DDX10: variants seen among roughly 807,000 people sequenced by gnomAD.
DDX10 encodes probable ATP-dependent RNA helicase DDX10.
A neutral mutation model predicts 104.3 loss-of-function variants in DDX10; 74 were observed. The observed-to-expected ratio is 0.71, with a 90% CI of 0.59 to 0.86. The LOEUF (loss-of-function observed/expected upper bound fraction) is 0.86. DDX10 is among the 40% of genes least tolerant of loss of function. The pLI is 0.00. For missense variants in DDX10, 952 were observed against 1,040.0 expected (o/e 0.92, Z 1.16); for synonymous variants, 351 against 353.4 (o/e 0.99, Z 0.08).
intron 13 of DDX10, among the ~76,000 whole-genome samples, chr11:108,829,570 G>A (rs563959900): frequency 8.1e-4 from 124 of 152,292 alleles, no homozygotes; most frequent in African/African-American, 2.9e-3. Context: ...TTCTTTTGCT[G>A]TGCAGAAGCT....
At chr11:108,938,338 C>G (rs181524024) in intron 17 of DDX10, among the ~76,000 whole-genome samples, 97 of 152,232 alleles carry the variant, frequency 6.4e-4, no homozygotes, top group African/African-American at 2.3e-3. Context: ...AATTTTCTAC[C>G]TTTTATTATC....
intron 6 of DDX10, among the ~76,000 whole-genome samples, chr11:108,681,733 T>C (rs2094235551): frequency 6.6e-6 from 1 of 152,236 alleles, no homozygotes; most frequent in South Asian, 2.1e-4. Flanking sequence ...TTTGAGAGAA[T>C]ATGCCTTTGG....
chr11:108,709,761 C>G (rs1232789568), intron 10 of DDX10, among the ~76,000 whole-genome samples: 2 of 151,652 alleles, frequency 1.3e-5, no homozygotes, highest in Non-Finnish European at 2.9e-5. Context: ...TATTGATTTC[C>G]TGTTTTCAAT....
In DDX10 at chr11:108,918,034, G is replaced by GTAATACATA; in HGVS notation, c.2450+16_2450+17insTAATACATA. On this transcript the variant is annotated intron_variant, in intron 17 of 17. Transcript: ENST00000322536. ...ATAAAATAAGGTATGTTTTTACTAT[G>GTAATACATA]GGTATGAAATACATACTTAGTACTC... 6.2e-7 allele frequency: 1 copy of GTAATACATA among 1,608,022 alleles called. No homozygotes were observed. Among genetic ancestry groups the GTAATACATA allele is most frequent in the Non-Finnish European group, 8.5e-7 (1 of 1,174,760 alleles).
intron 13 of DDX10, among the ~76,000 whole-genome samples, chr11:108,826,495 C>A (rs1042422227): frequency 6.6e-6 from 1 of 152,152 alleles, no homozygotes; most frequent in Non-Finnish European, 1.5e-5. Flanking sequence ...AGCTATGGAC[C>A]TCAGTTACCA....
intron 13 of DDX10, among the ~76,000 whole-genome samples, chr11:108,788,959 C>G (rs1861833454): frequency 6.6e-6 from 1 of 152,144 alleles, no homozygotes; most frequent in African/African-American, 2.4e-5. Flanking sequence ...GTTAGATGTT[C>G]TGGTCCCCGG....
intron 13 of DDX10, among the ~76,000 whole-genome samples, chr11:108,747,506 A>G (rs1172010411): frequency 1.3e-5 from 2 of 152,176 alleles, no homozygotes; most frequent in African/African-American, 4.8e-5. Flanking sequence ...GAATGTAAGA[A>G]ACATGGAGAG....
chr11:108,818,455 G>A (rs1293529816), intron 13 of DDX10, among the ~76,000 whole-genome samples: 1 of 152,170 alleles, frequency 6.6e-6, no homozygotes, highest in East Asian at 1.9e-4. Context: ...AATTATGGGT[G>A]AGTTTCATAA....
chr11:108,726,678 T>C (rs1358000984), intron 13 of DDX10, among the ~76,000 whole-genome samples: 1 of 152,046 alleles, frequency 6.6e-6, no homozygotes, highest in Non-Finnish European at 1.5e-5. Flanking sequence ...ATATTTCTTT[T>C]TTCTTTCTTT....
rs117298407 is a variant in DDX10, at chr11:108,883,554, A to G, written c.2304+31345A>G. Among the ~76,000 whole-genome samples the G allele has an allele frequency of 9.6e-3, 1,456 of 152,264 alleles. 37 individuals carry two copies. Among genetic ancestry groups the G allele is most frequent in the South Asian group, 0.085 (411 of 4,826 alleles). On this transcript the variant is annotated intron_variant, in intron 16 of 17. Transcript: ENST00000322536. ...ATGCAAACATGTTATCTCTCTAATA[A>G]GGGGGGAAGTCTCTTTCTAGAGTCT...
chr11:108,940,163 C>A, intron 17 of DDX10, 83 bp from the exon 18 acceptor site: 1 of 1,382,900 alleles, frequency 7.2e-7, no homozygotes, highest in South Asian at 1.4e-5. Flanking sequence ...ATCACTTTAC[C>A]AACTCTCTGT....
At chr11:108,932,870 G>A (rs917104249) in intron 17 of DDX10, among the ~76,000 whole-genome samples, 1 of 151,900 alleles carries the variant, frequency 6.6e-6, no homozygotes, top group Non-Finnish European at 1.5e-5. Flanking sequence ...TTGAAATATT[G>A]TATCTGCTGG....
chr11:108,678,209 C>A, intron 4 of DDX10, 106 bp from the exon 5 acceptor site: 2 of 1,123,710 alleles, frequency 1.8e-6, no homozygotes, highest in Non-Finnish European at 2.5e-6. Context: ...CCAAGAGTAT[C>A]TAAAATGTTG....
intron 13 of DDX10, among the ~76,000 whole-genome samples, chr11:108,834,923 A>G (rs1286498524): frequency 1.7e-5 from 1 of 57,722 alleles, no homozygotes; most frequent in Non-Finnish European, 3.3e-5. Context: ...GCAAGACTCC[A>G]TCTCAAAAAA....
intron 16 of DDX10, among the ~76,000 whole-genome samples, chr11:108,913,277 C>T (rs1351314127): frequency 2.0e-5 from 3 of 152,066 alleles, no homozygotes; most frequent in Non-Finnish European, 2.9e-5. Flanking sequence ...GGCAGGACAA[C>T]TCGAAGCAGG....
chr11:108,709,810 G>C (rs1431603686), intron 10 of DDX10, among the ~76,000 whole-genome samples: 4 of 151,432 alleles, frequency 2.6e-5, no homozygotes. Context: ...TATTCTGCTT[G>C]CTTTTGATTT....
chr11:108,809,658 C>G (rs990391954), intron 13 of DDX10, among the ~76,000 whole-genome samples: 1 of 152,172 alleles, frequency 6.6e-6, no homozygotes, highest in African/African-American at 2.4e-5. Context: ...TATGTAAGGG[C>G]TGGAGACACA....
intron 13 of DDX10, among the ~76,000 whole-genome samples, chr11:108,795,949 A>C (rs1861935275): frequency 6.6e-6 from 1 of 152,190 alleles, no homozygotes; most frequent in Non-Finnish European, 1.5e-5. Context: ...ACTAGTTTAC[A>C]CTTGTGGGAG....
In DDX10 at chr11:108,940,445, T is replaced by C; in HGVS notation, c.*22T>C. 2 of 1,607,534 alleles carry C rather than the reference T, an allele frequency of 1.2e-6. No homozygotes were observed. Among genetic ancestry groups the C allele is most frequent in the Non-Finnish European group, 1.7e-6 (2 of 1,177,254 alleles). On this transcript the variant is annotated 3_prime_UTR_variant, in exon 18 of 18. Coordinates refer to ENST00000322536, the MANE Select transcript of DDX10 (RefSeq NM_004398.4). ...CTAAATACTTCCTGCGCCTGCCTTCTCCTTGAAACCTTGGTTATGACTGCG... is the reference window on the plus strand; with the variant it reads ...CTAAATACTTCCTGCGCCTGCCTTCCCCTTGAAACCTTGGTTATGACTGCG...
Sources: gnomAD v4.1 joint callset for allele counts (sites outside exome capture counted in the v4.1 genomes callset) on GRCh38, gnomAD v4.1.1 for gene constraint, MANE v1.5 for transcripts, NCBI Gene and HGNC (gene_info 2026-07-23, HGNC 2026-07-21) for gene names.